Variants in DPYSL4 observed in about 807,000 individuals in gnomAD.
DPYSL4 encodes the protein dihydropyrimidinase-related protein 4.
A neutral mutation model predicts 63.4 loss-of-function variants in DPYSL4; 43 were observed. The observed-to-expected ratio is 0.68, with a 90% CI of 0.53 to 0.88. The LOEUF is 0.88. Ranked by LOEUF, DPYSL4 falls within the 40% of genes least tolerant of loss-of-function variation. The pLI, the probability that DPYSL4 is intolerant of heterozygous loss-of-function variation, is 0.00. For missense variants in DPYSL4, 733 were observed against 819.5 expected, an observed-to-expected ratio of 0.89 and a Z score of 1.29; for synonymous variants, 353 against 331.7, an observed-to-expected ratio of 1.06 and a Z score of -0.70.
chr10:132,192,523 G>C, intron 2 of DPYSL4, 135 bp from the exon 3 acceptor site: 1 of 1,421,320 alleles, frequency 7.0e-7, no homozygotes, highest in African/African-American at 1.4e-5. Flanking sequence ...CTAGTCCAGT[G>C]AGTGGCCGGC....
chr10:132,187,178 C>T (rs1487237064), intron 1 of DPYSL4, 76 bp downstream of exon 1: 1 of 1,154,824 alleles, frequency 8.7e-7, no homozygotes, highest in Non-Finnish European at 1.2e-6. Context: ...GCGGACCCTC[C>T]TGGTCTTGTG....
chr10:132,198,767 T>TGACA, intron 7 of DPYSL4, 84 bp from the exon 8 acceptor site: 1 of 1,559,058 alleles, frequency 6.4e-7, no homozygotes, highest in Non-Finnish European at 8.7e-7. Flanking sequence ...ATCCCATGGG[T>TGACA]GACACCTGGG....
rs1229764649 is a variant in DPYSL4, at chr10:132,201,991, A to G, written c.1156A>G (p.Thr386Ala). 9.3e-6 allele frequency: 15 copies of G among 1,613,206 alleles called. No homozygotes were observed. Among genetic ancestry groups the G allele is most frequent in the Admixed American group, 3.3e-5 (2 of 60,000 alleles). ...DENEFVAVTS[T>A]NAAKIFNFYP... is the part of the protein sequence containing the mutation. ...GAATGAGTTCGTCGCGGTGACCAGT[A>G]CAAATGCTGCCAAAATCTTCAATTT... Residue 386 changes from threonine (T) to alanine (A), a missense_variant, in exon 11 of 14, where the codon ACA becomes GCA. Thr to Ala is a moderately conservative substitution (Grantham distance 58). Coordinates refer to ENST00000338492, the MANE Select transcript of DPYSL4 (RefSeq NM_006426.3).
At chr10:132,198,345 C>T in intron 6 of DPYSL4, 70 bp from the exon 7 acceptor site, 5 of 1,504,812 alleles carry the variant, frequency 3.3e-6, no homozygotes, top group Non-Finnish European at 3.6e-6. Context: ...GCCTCCCAGC[C>T]TTGGGCTTAG....
chr10:132,205,694 C>G lies in DPYSL4; in HGVS notation c.*764C>G, dbSNP rs972300076. 2.0e-5 allele frequency: 3 copies of G among 152,272 alleles called. 1 individual carries two copies. Among genetic ancestry groups the G allele is most frequent in the Middle Eastern group, 6.3e-3 (2 of 316 alleles). 9.4% of individuals were successfully genotyped at this position (152,272 alleles called of 1,614,324 possible). A position where few individuals can be genotyped will look rare whatever the true frequency, so the allele number is the denominator to read the frequency against. ...CCAGGAACCTGTGCATGCCACCCAC[C>G]GCCTGGACAGGCAGTCATCCTGCCT... On this transcript the variant is annotated 3_prime_UTR_variant, in exon 14 of 14. Transcript: ENST00000338492.
At chr10:132,195,370 T>C (rs1025731503) in intron 4 of DPYSL4, among the ~76,000 whole-genome samples, 8 of 152,220 alleles carry the variant, frequency 5.3e-5, no homozygotes, top group African/African-American at 1.9e-4. Flanking sequence ...ATCTCTTTGT[T>C]GTCACCAATG....
chr10:132,203,236 G>A (rs755903112), intron 12 of DPYSL4, among the ~76,000 whole-genome samples: 5 of 152,228 alleles, frequency 3.3e-5, no homozygotes, highest in African/African-American at 7.2e-5. Context: ...GGACTGGGGC[G>A]TGTGCTCCTC....
intron 1 of DPYSL4, among the ~76,000 whole-genome samples, chr10:132,188,102 G>T (rs888542886): frequency 6.6e-6 from 1 of 152,208 alleles, no homozygotes; most frequent in African/African-American, 2.4e-5. Flanking sequence ...GCTGGGTCTG[G>T]TCTTGATGCA....
chr10:132,201,828 G>A (rs1020620711), intron 10 of DPYSL4, 118 bp from the exon 11 acceptor site: 20 of 1,133,158 alleles, frequency 1.8e-5, no homozygotes, highest in Admixed American at 2.5e-5. Flanking sequence ...CTGTCCTCAC[G>A]GGGGCCTGGT....
At chr10:132,198,274 A>T in intron 6 of DPYSL4, 141 bp from the exon 7 acceptor site, 1 of 714,176 alleles carries the variant, frequency 1.4e-6, no homozygotes, top group Non-Finnish European at 2.3e-6. Context: ...CTCTATTCTG[A>T]GTGTTCTGTG....
At chr10:132,196,956 T>C (rs1404393170) in intron 5 of DPYSL4, 34 bp downstream of exon 5, 1 of 1,613,326 alleles carries the variant, frequency 6.2e-7, no homozygotes, top group East Asian at 2.2e-5. Context: ...AGTGGGCAGG[T>C]ATATCCCAGG....
intron 12 of DPYSL4, chr10:132,203,451 C>T (rs757199855): frequency 6.6e-5 from 28 of 424,242 alleles, no homozygotes; most frequent in Admixed American, 1.1e-4. Context: ...CGTGGGGCCT[C>T]GGAGGGAGGT....
At chr10:132,201,842 C>T in intron 10 of DPYSL4, 104 bp from the exon 11 acceptor site, 1 of 1,269,922 alleles carries the variant, frequency 7.9e-7, no homozygotes, top group Non-Finnish European at 1.1e-6. Context: ...GCCTGGTGAC[C>T]TGGCATCCAT....
chr10:132,202,135 AAGTC>A lies in DPYSL4; in HGVS notation c.1281+22_1281+25del, dbSNP rs746016144. ...CAATCTGGTAAGAGAAGGCGGCTGTAAGTCAGGGTTGGCCTTTGTGGGGCCGGGA... is the reference window on the plus strand; with the variant it reads ...CAATCTGGTAAGAGAAGGCGGCTGTAAGGGTTGGCCTTTGTGGGGCCGGGA... On this transcript the variant is annotated intron_variant, in intron 11 of 13. Coordinates refer to ENST00000338492, the MANE Select transcript of DPYSL4 (RefSeq NM_006426.3). 4 of 1,607,092 alleles carry A rather than the reference AAGTC, an allele frequency of 2.5e-6. No individual in the cohort carries two copies. The highest frequency in any genetic ancestry group is 1.7e-6 in the Non-Finnish European group (2 of 1,176,200).
Position 132,186,994 on chromosome 10 carries a change from T to TCCGGGGGGGGGGGGGGG in DPYSL4, c.-68_-67insGGGGGGGGGGGGGGGCC. The TCCGGGGGGGGGGGGGGG allele has an allele frequency of 4.6e-6, 1 of 217,372 alleles. No individual in the cohort carries two copies. The highest frequency in any genetic ancestry group is 9.1e-6 in the Non-Finnish European group (1 of 109,622). The allele number at this position is 217,372 out of a possible 1,614,324, so 13.5% of individuals were successfully genotyped here. ...CCACGCACGCGTCCCGGCTCACGCG[T>TCCGGGGGGGGGGGGGGG]CCCCCCGCCCGCCCGCCCGCCCGCC... is the stretch of plus-strand genomic sequence containing the variant. On this transcript the variant is annotated 5_prime_UTR_variant, in exon 1 of 14. Coordinates refer to ENST00000338492, the MANE Select transcript of DPYSL4 (RefSeq NM_006426.3).
In DPYSL4 at chr10:132,198,935, G is replaced by T; in HGVS notation, c.775G>T (p.Gly259Trp). 1 of 1,612,798 alleles carries T rather than the reference G, an allele frequency of 6.2e-7. No individual in the cohort carries two copies. The highest frequency in any genetic ancestry group is 8.5e-7 in the Non-Finnish European group (1 of 1,179,900). The part of the protein sequence containing the change: ...PLYVTKVMSK[G>W]AADAIAQAKR... ...GTACGTCACCAAGGTGATGAGCAAGGGGGCGGCCGACGCCATCGCTCAGGC... is the reference window on the plus strand; with the variant it reads ...GTACGTCACCAAGGTGATGAGCAAGTGGGCGGCCGACGCCATCGCTCAGGC... The change falls in exon 8 of 14, where the codon GGG (glycine) becomes TGG (tryptophan). Residue 259 changes from glycine to tryptophan, a missense_variant. By Grantham distance (184) the Gly-to-Trp change is radical. Coordinates refer to ENST00000338492, the MANE Select transcript of DPYSL4 (RefSeq NM_006426.3).
intron 2 of DPYSL4, chr10:132,192,193 G>T (rs2061887572): frequency 2.1e-6 from 1 of 471,498 alleles, no homozygotes; most frequent in African/African-American, 2.1e-5. Flanking sequence ...GCCACTGTCA[G>T]AGCCCCGGCC....
intron 12 of DPYSL4, chr10:132,203,486 A>G: frequency 4.1e-6 from 2 of 491,814 alleles, no homozygotes; most frequent in East Asian, 6.1e-5. Context: ...TGTGTTGGTA[A>G]GACTGAGGGG....
In DPYSL4 at chr10:132,200,755, C is replaced by T. The variant is rs907530824; in HGVS notation, c.969-87C>T. ...CCACTCAGATGACCTCTAGCCCCTG[C>T]GGCTGTGCTGGCCAAGGGGGCTGGA... On this transcript the variant is annotated intron_variant, in intron 9 of 13. Coordinates refer to ENST00000338492, the MANE Select transcript of DPYSL4 (RefSeq NM_006426.3). 3.5e-5 allele frequency: 53 copies of T among 1,525,164 alleles called. No individual in the cohort carries two copies. The South Asian group carries it at 4.5e-4, about 13-fold the overall frequency. 94.5% of individuals were successfully genotyped at this position (1,525,164 alleles called of 1,614,324 possible). A position where few individuals can be genotyped will look rare whatever the true frequency, so the allele number is the denominator to read the frequency against.
Sources: allele counts gnomAD v4.1 joint callset (sites outside exome capture counted in the v4.1 genomes callset), GRCh38; gene constraint gnomAD v4.1.1; transcripts MANE v1.5; gene names NCBI Gene and HGNC (gene_info 2026-07-23, HGNC 2026-07-21).